The following AGBL4 variants were observed in gnomAD, a reference collection of about 807,000 sequenced individuals.
AGBL4 encodes the protein AGBL carboxypeptidase 4.
AGBL4 carries 58 observed loss-of-function variants against 66.4 expected under a neutral mutation model. That is an observed-to-expected ratio of 0.87 (90% CI 0.71 to 1.09). The LOEUF is 1.09. AGBL4 is among the 50% of genes least tolerant of loss of function. The pLI is 0.00. For synonymous variants in AGBL4, 234 were observed against 222.9 expected (o/e 1.05, Z -0.44); for missense variants, 579 against 631.0 (o/e 0.92, Z 0.88).
rs191314967 is a variant in AGBL4, at chr1:49,708,364, A to T, written c.158-10927T>A. Among the ~76,000 whole-genome samples the T allele has an allele frequency of 2.8e-3, 423 of 151,866 alleles. 3 individuals carry two copies. Among genetic ancestry groups the T allele is most frequent in the South Asian group, 9.8e-3 (47 of 4,810 alleles). On this transcript the variant is annotated intron_variant, in intron 2 of 13. Transcript: ENST00000371839. ...CAATTTGGCTATTGATATTTGTATA[A>T]GCTTCACACAGTTCTCGTCCTGTGT...
chr1:48,538,056 C>G (rs1355357543), intron 12 of AGBL4, among the ~76,000 whole-genome samples: 1 of 152,150 alleles, frequency 6.6e-6, no homozygotes, highest in Non-Finnish European at 1.5e-5. Context: ...ACGTGATTCT[C>G]CTGCAAGAGT....
intron 1 of AGBL4, among the ~76,000 whole-genome samples, chr1:49,935,321 A>C (rs1023330141): frequency 6.6e-6 from 1 of 152,336 alleles, no homozygotes; most frequent in South Asian, 2.1e-4. Context: ...AGATAAACAA[A>C]GCAGCCGGGA....
intron 6 of AGBL4, among the ~76,000 whole-genome samples, chr1:48,708,507 G>C (rs555908947): frequency 1.3e-5 from 2 of 152,284 alleles, no homozygotes; most frequent in South Asian, 4.1e-4. Flanking sequence ...GGGATGACAG[G>C]GAGAGCCATG....
At chr1:48,814,710 T>A (rs982838682) in intron 6 of AGBL4, among the ~76,000 whole-genome samples, 6 of 152,068 alleles carry the variant, frequency 3.9e-5, no homozygotes, top group Non-Finnish European at 7.4e-5. Context: ...TCCTCCAGCT[T>A]CTTCCATGTT....
At chr1:49,183,340 G>A (rs888148843) in intron 4 of AGBL4, among the ~76,000 whole-genome samples, 1 of 152,116 alleles carries the variant, frequency 6.6e-6, no homozygotes, top group African/African-American at 2.4e-5. Context: ...GAGAATCTTT[G>A]ACATGACTTT....
chr1:48,849,938 A>C (rs1347533798), intron 6 of AGBL4, among the ~76,000 whole-genome samples: 1 of 152,190 alleles, frequency 6.6e-6, no homozygotes, highest in East Asian at 1.9e-4. Context: ...GCACCACTGC[A>C]CTCCAGCCTG....
chr1:48,540,617 T>G (rs1322177403), intron 11 of AGBL4, among the ~76,000 whole-genome samples: 1 of 152,114 alleles, frequency 6.6e-6, no homozygotes, highest in Non-Finnish European at 1.5e-5. Context: ...CTTTCATGAC[T>G]CCTGAACTGG....
At chr1:49,292,875 A>AT (rs1175253139) in intron 3 of AGBL4, among the ~76,000 whole-genome samples, 1 of 152,044 alleles carries the variant, frequency 6.6e-6, no homozygotes, top group East Asian at 1.9e-4. Flanking sequence ...TGTGTACCTC[A>AT]TTTTTCCTGG....
At chr1:49,894,863 A>G (rs1352131613) in intron 1 of AGBL4, among the ~76,000 whole-genome samples, 2 of 152,150 alleles carry the variant, frequency 1.3e-5, no homozygotes, top group Non-Finnish European at 2.9e-5. Context: ...TTTCAAAGTA[A>G]TAATAGTAGT....
At chr1:49,381,589 A>T (rs1644611330) in intron 3 of AGBL4, among the ~76,000 whole-genome samples, 1 of 152,182 alleles carries the variant, frequency 6.6e-6, no homozygotes, top group African/African-American at 2.4e-5. Flanking sequence ...AAGACTTGGA[A>T]CCAACCCAAA....
At position 49,045,658 on chromosome 1, in the gene AGBL4, A is replaced by G. The variant is rs1326117235; in HGVS notation, c.520T>C (p.Phe174Leu). ...AYCYPYTYTR[F>L]QHYLDSLQKR... ...TGCAGGCTGTCAAGGTAATGTTGGA[A>G]GCGAGTGTATGTATATGGGTAGCAG... The change falls in exon 5 of 14, where the codon TTC becomes CTC. Residue 174 changes from phenylalanine to leucine, a missense_variant. Phe to Leu is a conservative substitution (Grantham distance 22). Coordinates refer to ENST00000371839, the MANE Select transcript of AGBL4 (RefSeq NM_032785.4). 6.3e-7 allele frequency: 1 copy of G among 1,590,990 alleles called. No homozygotes were observed. Among genetic ancestry groups the G allele is most frequent in the South Asian group, 1.1e-5 (1 of 87,234 alleles).
Position 49,648,375 on chromosome 1 carries a change from A to G in AGBL4, c.282+48938T>C, listed in dbSNP as rs186316319. 2.0e-5 allele frequency among the ~76,000 whole-genome samples: 3 copies of G among 152,042 alleles called. No homozygotes were observed. The East Asian group carries it at 5.8e-4, about 29-fold the overall frequency. On this transcript the variant is annotated intron_variant, in intron 3 of 13. Transcript: ENST00000371839. ...GAACAGAATATCCAAAACCTGTAAT[A>G]CGACTACAAAATGTGCAACATACAC...
intron 6 of AGBL4, among the ~76,000 whole-genome samples, chr1:48,674,172 C>T (rs1198255878): frequency 6.6e-6 from 1 of 152,222 alleles, no homozygotes; most frequent in East Asian, 1.9e-4. Context: ...GTCCTCGGAG[C>T]TGGCTCCTTG....
At chr1:49,073,969 A>G (rs148648813) in intron 4 of AGBL4, among the ~76,000 whole-genome samples, 59 of 152,182 alleles carry the variant, frequency 3.9e-4, no homozygotes, top group Non-Finnish European at 5.0e-4. Flanking sequence ...GAATCTAGAG[A>G]GGCACCTTGC....
At chr1:49,716,880 C>T (rs879491903) in intron 2 of AGBL4, among the ~76,000 whole-genome samples, 15 of 152,070 alleles carry the variant, frequency 9.9e-5, no homozygotes, top group Admixed American at 8.5e-4. Flanking sequence ...GACAAGGATG[C>T]CCTCTCTCAC....
At chr1:49,955,603 A>G (rs2148332228) in intron 1 of AGBL4, among the ~76,000 whole-genome samples, 1 of 152,038 alleles carries the variant, frequency 6.6e-6, no homozygotes, top group East Asian at 1.9e-4. Flanking sequence ...CCCTATATCT[A>G]TAACCTTAAA....
intron 5 of AGBL4, among the ~76,000 whole-genome samples, chr1:48,868,319 T>C (rs1208855383): frequency 1.3e-5 from 2 of 152,198 alleles, no homozygotes; most frequent in South Asian, 2.1e-4. Flanking sequence ...AATGGCTTCC[T>C]AAAATTCTGC....
intron 3 of AGBL4, among the ~76,000 whole-genome samples, chr1:49,393,071 C>T (rs1644883836): frequency 6.6e-6 from 1 of 152,050 alleles, no homozygotes; most frequent in South Asian, 2.1e-4. Context: ...GAAAATAATA[C>T]CTAACTTGTG....
intron 3 of AGBL4, among the ~76,000 whole-genome samples, chr1:49,348,757 T>C (rs1226673292): frequency 6.6e-6 from 1 of 152,230 alleles, no homozygotes; most frequent in African/African-American, 2.4e-5. Flanking sequence ...AGAAAACGAA[T>C]AGAAGCTTTC....
Sources: allele counts gnomAD v4.1 joint callset (sites outside exome capture counted in the v4.1 genomes callset), GRCh38; gene constraint gnomAD v4.1.1; transcripts MANE v1.5; gene names NCBI Gene and HGNC (gene_info 2026-07-23, HGNC 2026-07-21).